Variants in CD302 observed in about 807,000 individuals in gnomAD.
CD302 encodes CD302 molecule.
In CD302, 23 loss-of-function variants were observed where a neutral mutation model predicts 26.5. The observed-to-expected ratio is 0.87, with a 90% confidence interval of 0.62 to 1.23. The LOEUF (loss-of-function observed/expected upper bound fraction) is 1.23, where lower values mean the gene tolerates loss of function less well. Among genes scored for constraint, CD302 ranks in the 50% most tolerant of loss-of-function variants. The probability of loss-of-function intolerance (pLI) is 0.00; values close to 1 mark genes in which losing one functional copy is unlikely to be tolerated. For synonymous variants in CD302, 90 were observed against 99.4 expected (o/e 0.91, Z 0.56); for missense variants, 290 against 275.5 (o/e 1.05, Z -0.37).
rs1473746331 is a variant in CD302 at position 159,769,205 on chromosome 2, T to C, written c.*2646A>G. 1 of 152,240 alleles carries C rather than the reference T, an allele frequency of 6.6e-6. No individual in the cohort carries two copies. The highest frequency in any genetic ancestry group is 1.5e-5 in the Non-Finnish European group (1 of 68,046). The allele number at this position is 152,240 out of a possible 1,614,324, so 9.4% of individuals were successfully genotyped here. ...ATTCTGAATATCTGCCAAAGAATTA[T>C]ATTGTTATTACTAGCTAGAACCAAG... is the stretch of plus-strand genomic sequence containing the variant. On this transcript the variant is annotated 3_prime_UTR_variant, in exon 6 of 6. Coordinates refer to ENST00000259053, the MANE Select transcript of CD302 (RefSeq NM_014880.5).
At chr2:159,779,230 CAAAAAAAAAAAAA>C (rs10710620) in intron 4 of CD302, among the ~76,000 whole-genome samples, 3 of 47,772 alleles carry the variant, frequency 6.3e-5, no homozygotes, top group African/African-American at 2.1e-4. Context: ...GACTGCATCG[CAAAAAAAAAAAAA>C]AAAAAAAAAA....
At chr2:159,789,545 C>T in intron 1 of CD302, among the ~76,000 whole-genome samples, 1 of 122,850 alleles carries the variant, frequency 8.1e-6, no homozygotes, top group Admixed American at 7.3e-5. Flanking sequence ...CACCCTCACA[C>T]CCCCTTAGGC....
chr2:159,776,032 A>G (rs1339704857), intron 5 of CD302, among the ~76,000 whole-genome samples: 1 of 7,246 alleles, frequency 1.4e-4, no homozygotes, highest in Non-Finnish European at 3.3e-4. Context: ...TTTTTTTTTA[A>G]AGTAGAGTCG....
intron 5 of CD302, among the ~76,000 whole-genome samples, chr2:159,774,025 G>A (rs530160229): frequency 1.3e-5 from 2 of 151,996 alleles, no homozygotes; most frequent in Non-Finnish European, 2.9e-5. Context: ...GGTCACCAAT[G>A]ATCTCTTTAT....
At chr2:159,797,992 C>T in intron 1 of CD302, 140 bp downstream of exon 1, 1 of 748,898 alleles carries the variant, frequency 1.3e-6, no homozygotes, top group Non-Finnish European at 2.0e-6. Flanking sequence ...GGGGGACGGG[C>T]GTGCAGGGAA....
At chr2:159,778,532 A>G (rs940416819) in intron 4 of CD302, among the ~76,000 whole-genome samples, 1 of 152,232 alleles carries the variant, frequency 6.6e-6, no homozygotes, top group Non-Finnish European at 1.5e-5. Context: ...TGCTGTAGCA[A>G]GTAAAGAAAT....
chr2:159,778,730 G>A (rs1402716732), intron 4 of CD302, among the ~76,000 whole-genome samples: 2 of 152,022 alleles, frequency 1.3e-5, no homozygotes, highest in African/African-American at 4.8e-5. Flanking sequence ...TAGAGATGGT[G>A]GTCTTGCTAT....
intron 1 of CD302, among the ~76,000 whole-genome samples, chr2:159,797,108 A>G (rs1431341391): frequency 6.6e-6 from 1 of 150,944 alleles, no homozygotes; most frequent in African/African-American, 2.4e-5. Context: ...TTGGGTTTGT[A>G]TCCAAGTTCT....
chr2:159,776,011 A>ATTTTTTTTTTTTTTT (rs1342820508), intron 5 of CD302, among the ~76,000 whole-genome samples: 3 of 13,144 alleles, frequency 2.3e-4, no homozygotes, highest in Non-Finnish European at 3.2e-4. Context: ...CCGGGTTTCA[A>ATTTTTTTTTTTTTTT]CTTTTTTTTT....
At position 159,780,866 on chromosome 2, in the gene CD302, G is replaced by A. The variant is rs979731228; in HGVS notation, c.295+16C>T. ...AGAACAACAAAGTCACGTCCCACGA[G>A]GTAAATATCACTTACCATCTGTGTC... is the stretch of plus-strand genomic sequence containing the variant. On this transcript the variant is annotated intron_variant, in intron 3 of 5. Coordinates refer to ENST00000259053, the MANE Select transcript of CD302 (RefSeq NM_014880.5). 2.5e-6 allele frequency: 4 copies of A among 1,604,602 alleles called. No individual in the cohort carries two copies. The African/African-American group carries it at 5.4e-5, about 22-fold the overall frequency.
At position 159,768,661 on chromosome 2, in the gene CD302, C is replaced by A. The variant is rs913305559; in HGVS notation, c.*3190G>T. ...CAAGAATTTTATTACAATTTCAAAT[C>A]TCATTTTAAGCAATAATATAAATGT... On this transcript the variant is annotated 3_prime_UTR_variant, in exon 6 of 6. Coordinates refer to ENST00000259053, the MANE Select transcript of CD302 (RefSeq NM_014880.5). The A allele has an allele frequency of 2.6e-5, 4 of 152,582 alleles. No individual in the cohort carries two copies. Among genetic ancestry groups the A allele is most frequent in the African/African-American group, 9.7e-5 (4 of 41,440 alleles). 9.5% of individuals were successfully genotyped at this position (152,582 alleles called of 1,614,324 possible).
intron 1 of CD302, among the ~76,000 whole-genome samples, chr2:159,792,716 A>G (rs1450493076): frequency 2.0e-5 from 3 of 152,178 alleles, no homozygotes; most frequent in Non-Finnish European, 4.4e-5. Context: ...GTCGAGGAGC[A>G]TCTGCATGTG....
intron 1 of CD302, among the ~76,000 whole-genome samples, chr2:159,794,990 C>T (rs1297989391): frequency 1.3e-5 from 2 of 151,268 alleles, no homozygotes; most frequent in Non-Finnish European, 2.9e-5. Flanking sequence ...TTTGGGAGGC[C>T]GAGGTGGGCA....
chr2:159,791,450 G>C (rs1708804706), intron 1 of CD302, among the ~76,000 whole-genome samples: 1 of 152,108 alleles, frequency 6.6e-6, no homozygotes, highest in Non-Finnish European at 1.5e-5. Context: ...TTCTTCTTTG[G>C]AAAAGGAAAT....
At chr2:159,782,567 TACAA>T (rs1000250223) in intron 2 of CD302, among the ~76,000 whole-genome samples, 4 of 151,842 alleles carry the variant, frequency 2.6e-5, no homozygotes, top group African/African-American at 4.8e-5. Flanking sequence ...ACCCTGTCTC[TACAA>T]ACAAACAGAT....
In CD302 at chr2:159,780,162, C is replaced by CA; in HGVS notation, c.311_312insT (p.Trp104CysfsTer3). On this transcript the variant is annotated frameshift_variant, in exon 4 of 6. Coordinates refer to ENST00000259053, the MANE Select transcript of CD302 (RefSeq NM_014880.5). LOFTEE classifies it high-confidence loss of function. Reference sequence around the variant, plus strand: ...CAAATGTCATATTTGAATTATCAAACCACTTGAAACTCGCATCTGTCAATT... The same window carrying CA: ...CAAATGTCATATTTGAATTATCAAACACACTTGAAACTCGCATCTGTCAATT... The CA allele has an allele frequency of 6.2e-7, 1 of 1,613,396 alleles. No individual in the cohort carries two copies. Among genetic ancestry groups the CA allele is most frequent in the Middle Eastern group, 1.7e-4 (1 of 6,058 alleles).
intron 1 of CD302, among the ~76,000 whole-genome samples, chr2:159,797,785 C>G (rs1682504030): frequency 6.6e-6 from 1 of 152,202 alleles, no homozygotes; most frequent in African/African-American, 2.4e-5. Flanking sequence ...CGAAATTGCC[C>G]TGAAACGGCG....
chr2:159,776,011 A>ATTTTTTTTTTTTTTTTT (rs1342820508), intron 5 of CD302, among the ~76,000 whole-genome samples: 1 of 13,150 alleles, frequency 7.6e-5, no homozygotes, highest in South Asian at 1.9e-3. Context: ...CCGGGTTTCA[A>ATTTTTTTTTTTTTTTTT]CTTTTTTTTT....
In CD302 at chr2:159,777,869, T is replaced by A. The variant is rs1574489010; in HGVS notation, c.496+69A>T. 220 of 810,990 alleles carry A rather than the reference T, an allele frequency of 2.7e-4. 5 individuals carry two copies. The South Asian group carries it at 3.5e-3, about 13-fold the overall frequency. 50.2% of individuals were successfully genotyped at this position (810,990 alleles called of 1,614,324 possible). A position where few individuals can be genotyped will look rare whatever the true frequency, so the allele number is the denominator to read the frequency against. ...ATTTTAAAAAGGGATCTGTAATGTA[T>A]TTTAATATGCCAGAATTTTGATATA... On this transcript the variant is annotated intron_variant, in intron 5 of 5. Transcript: ENST00000259053.
Sources: allele counts gnomAD v4.1 joint callset (sites outside exome capture counted in the v4.1 genomes callset), GRCh38; gene constraint gnomAD v4.1.1; transcripts MANE v1.5; gene names NCBI Gene and HGNC (gene_info 2026-07-23, HGNC 2026-07-21).